Variants in SCLT1 observed in about 807,000 individuals in gnomAD.
SCLT1 encodes the protein sodium channel and clathrin linker 1, also known as sodium channel-associated protein 1.
SCLT1 carries 78 observed loss-of-function variants against 112.8 expected under a neutral mutation model. The ratio of observed to expected loss-of-function variants is 0.69; its 90% CI spans 0.58 to 0.83. SCLT1 has a LOEUF of 0.83. Ranked by LOEUF, SCLT1 falls within the 40% of genes least tolerant of loss-of-function variation. The probability of loss-of-function intolerance (pLI) is 0.00; values close to 1 mark genes in which losing one functional copy is unlikely to be tolerated. For synonymous variants in SCLT1, 257 were observed against 254.7 expected (o/e 1.01, Z -0.09); for missense variants, 747 against 770.4 (o/e 0.97, Z 0.36).
intron 17 of SCLT1, among the ~76,000 whole-genome samples, chr4:128,939,026 G>C (rs1737452881): frequency 6.6e-6 from 1 of 152,018 alleles, no homozygotes; most frequent in African/African-American, 2.4e-5. Flanking sequence ...ACACAAAACT[G>C]ATCTATGCAT....
chr4:128,895,842 T>C (rs1733704319), intron 18 of SCLT1, among the ~76,000 whole-genome samples: 1 of 152,346 alleles, frequency 6.6e-6, no homozygotes, highest in Middle Eastern at 3.4e-3. Context: ...CCACCCTTAA[T>C]ACTGCGCTTT....
chr4:128,968,623 T>C (rs1740412961), intron 10 of SCLT1, among the ~76,000 whole-genome samples: 1 of 152,234 alleles, frequency 6.6e-6, no homozygotes, highest in Non-Finnish European at 1.5e-5. Flanking sequence ...TAGGTCATAC[T>C]TTTCTGTCTA....
intron 9 of SCLT1, 57 bp downstream of exon 9, chr4:128,992,110 G>C: frequency 8.7e-7 from 1 of 1,146,452 alleles, no homozygotes; most frequent in Non-Finnish European, 1.3e-6. Context: ...AGCATCATCA[G>C]CTCCCCTGAA....
chr4:128,985,216 G>A (rs1474135831), intron 9 of SCLT1, among the ~76,000 whole-genome samples: 3 of 151,826 alleles, frequency 2.0e-5, no homozygotes, highest in Non-Finnish European at 4.4e-5. Flanking sequence ...TCATTTCTGG[G>A]AATGGAACTT....
intron 11 of SCLT1, among the ~76,000 whole-genome samples, chr4:128,962,485 C>T (rs1457365542): frequency 2.6e-5 from 4 of 152,106 alleles, no homozygotes; most frequent in Non-Finnish European, 5.9e-5. Flanking sequence ...TTTTGTTCTT[C>T]CTTTATACTG....
chr4:128,957,593 AT>A (rs1186819594), intron 12 of SCLT1, among the ~76,000 whole-genome samples: 1 of 151,876 alleles, frequency 6.6e-6, no homozygotes, highest in Admixed American at 6.6e-5. Flanking sequence ...AATTCCAATC[AT>A]TTCCATCCTC....
At chr4:128,959,941 T>A (rs959458392) in intron 11 of SCLT1, among the ~76,000 whole-genome samples, 164 bp from the exon 12 acceptor site, 7 of 152,168 alleles carry the variant, frequency 4.6e-5, no homozygotes, top group Non-Finnish European at 1.0e-4. Flanking sequence ...GGTTTTACTA[T>A]CTCCATACCT....
At chr4:129,067,310 A>AACTCTTG (rs879705335) in intron 2 of SCLT1, among the ~76,000 whole-genome samples, 11 of 152,020 alleles carry the variant, frequency 7.2e-5, no homozygotes, top group Non-Finnish European at 1.3e-4. Flanking sequence ...GGGAAGGATT[A>AACTCTTG]ACTCTTGAAA....
chr4:128,903,766 A>G (rs1734493851), intron 18 of SCLT1, among the ~76,000 whole-genome samples: 1 of 152,148 alleles, frequency 6.6e-6, no homozygotes, highest in Non-Finnish European at 1.5e-5. Context: ...AGTACTTTGT[A>G]TCTTCTTATT....
chr4:128,937,378 T>C (rs1737300822), intron 17 of SCLT1, among the ~76,000 whole-genome samples: 1 of 152,116 alleles, frequency 6.6e-6, no homozygotes. Flanking sequence ...ACTAGAATTA[T>C]GATGAACTAT....
Position 129,076,821 on chromosome 4 carries a change from T to C in SCLT1, c.102+5485A>G, listed in dbSNP as rs77113091. Among the ~76,000 whole-genome samples the C allele has an allele frequency of 7.2e-5, 11 of 152,216 alleles. No homozygotes were observed. In the East Asian group the frequency reaches 1.7e-3, roughly 24 times the overall value. ...CTTCAGAGAGCAATGCCACTTGAAA[T>C]ACTTTTTACTTATATAGAAAACACA... On this transcript the variant is annotated intron_variant, in intron 2 of 20. Coordinates refer to ENST00000281142, the MANE Select transcript of SCLT1 (RefSeq NM_144643.4).
At chr4:129,062,051 C>T (rs549206693) in intron 2 of SCLT1, among the ~76,000 whole-genome samples, 4 of 151,026 alleles carry the variant, frequency 2.6e-5, no homozygotes, top group Non-Finnish European at 3.0e-5. Context: ...TGGCGAGGTC[C>T]GTAGGAGTTA....
intron 5 of SCLT1, among the ~76,000 whole-genome samples, chr4:129,018,534 T>C (rs1265319290): frequency 2.6e-5 from 4 of 152,086 alleles, no homozygotes; most frequent in Non-Finnish European, 4.4e-5. Flanking sequence ...CCATAGAAGA[T>C]TGAAAGGAGA....
In SCLT1 at chr4:128,943,181, C is replaced by G. The variant is rs778310681; in HGVS notation, c.1447G>C (p.Glu483Gln). The change falls in exon 17 of 21, where the codon GAA becomes CAA. Residue 483 changes from glutamate to glutamine, a missense_variant. Glu to Gln is a conservative substitution (Grantham distance 29). This residue lies in a region of SCLT1 where 723 missense variants were observed against 721.3 expected (regional missense o/e 1.00). Transcript: ENST00000281142. ...ATTTCTTGGTAACGTGATATTTCTT[C>G]TGAGGAGCTGATTAAAAAACGAAAT... The part of the protein sequence containing the change: ...RIKQLETDSS[E>Q]EISRYQEMIQ... 6.2e-7 allele frequency: 1 copy of G among 1,600,088 alleles called. No individual in the cohort carries two copies. The highest frequency in any genetic ancestry group is 8.5e-7 in the Non-Finnish European group (1 of 1,174,332).
chr4:128,961,103 T>C (rs548523374), intron 11 of SCLT1, among the ~76,000 whole-genome samples: 1 of 152,222 alleles, frequency 6.6e-6, no homozygotes, highest in Admixed American at 6.5e-5. Flanking sequence ...TGACTATTTT[T>C]TTTCAACTTT....
intron 18 of SCLT1, among the ~76,000 whole-genome samples, chr4:128,923,130 C>A (rs891273404): frequency 1.3e-5 from 2 of 152,092 alleles, no homozygotes; most frequent in East Asian, 3.9e-4. Context: ...AGCATACACT[C>A]ATGTAACCAC....
chr4:128,887,322 C>T (rs1265657900), intron 20 of SCLT1, among the ~76,000 whole-genome samples: 1 of 152,072 alleles, frequency 6.6e-6, no homozygotes, highest in Non-Finnish European at 1.5e-5. Context: ...GCTGTAATTA[C>T]TTTCAAGAGG....
chr4:129,046,247 T>G (rs967780533), intron 2 of SCLT1, among the ~76,000 whole-genome samples: 5 of 152,102 alleles, frequency 3.3e-5, no homozygotes, highest in Admixed American at 6.6e-5. Flanking sequence ...GTAAGGACAG[T>G]TCTGATACAC....
chr4:129,042,735 T>A (rs927121226), intron 4 of SCLT1, among the ~76,000 whole-genome samples: 1 of 152,076 alleles, frequency 6.6e-6, no homozygotes, highest in Non-Finnish European at 1.5e-5. Context: ...AGCCTCGACC[T>A]CCCAGGCTGC....
Sources: allele counts gnomAD v4.1 joint callset (sites outside exome capture counted in the v4.1 genomes callset), GRCh38; gene constraint gnomAD v4.1.1; regional missense constraint gnomAD v4.1.1; transcripts MANE v1.5; gene names NCBI Gene and HGNC (gene_info 2026-07-23, HGNC 2026-07-21).